The following GP6 variants were observed in gnomAD, a reference collection of about 807,000 sequenced individuals.
The protein encoded by GP6 is glycoprotein VI platelet.
In GP6, 45 loss-of-function variants were observed where a neutral mutation model predicts 37.3. The ratio of observed to expected loss-of-function variants is 1.21; its 90% CI spans 0.95 to 1.55. The LOEUF is 1.55. Among genes scored for constraint, GP6 ranks in the 40% most tolerant of loss-of-function variants. The pLI, the probability that GP6 is intolerant of heterozygous loss-of-function variation, is 0.00. For synonymous variants in GP6, 340 were observed against 316.4 expected (o/e 1.07, Z -0.79); for missense variants, 813 against 760.2 (o/e 1.07, Z -0.82).
chr19:55,022,477 C>G (rs4806632), intron 5 of GP6, among the ~76,000 whole-genome samples: 46,518 of 152,038 alleles, frequency 0.31, 7,368 homozygotes, highest in East Asian at 0.55. Flanking sequence ...TTCACCACTC[C>G]TATTCAACAT....
At position 55,027,701 on chromosome 19, in the gene GP6, C is replaced by T. The variant is rs775726835; in HGVS notation, c.487G>A (p.Ala163Thr). Reference sequence around the variant, plus strand: ...GTCACCGTGATGATGGGAAAACTAGCCCTGTACCATCTCTCGGGATTCTTG... The same window carrying T: ...GTCACCGTGATGATGGGAAAACTAGTCCTGTACCATCTCTCGGGATTCTTG... The change falls in exon 4 of 8, where the codon GCT becomes ACT. Residue 163 changes from alanine to threonine, a missense_variant. By Grantham distance (58) the Ala-to-Thr change is moderately conservative. Transcript: ENST00000310373. The T allele has an allele frequency of 2.5e-6, 4 of 1,613,484 alleles. No homozygotes were observed. The Admixed American group carries it at 6.7e-5, about 27-fold the overall frequency.
chr19:55,029,347 TATATATATATATATATATATA>T (rs2074452628), intron 3 of GP6, among the ~76,000 whole-genome samples: 1 of 4,766 alleles, frequency 2.1e-4, no homozygotes, highest in Admixed American at 2.3e-3. Context: ...TATATATATA[TATATATATATATATATATATA>T]TATATATTTT....
intron 3 of GP6, 47 bp downstream of exon 3, chr19:55,032,092 T>C: frequency 6.3e-7 from 1 of 1,597,664 alleles, no homozygotes; most frequent in South Asian, 1.1e-5. Context: ...ATTTGTGTCC[T>C]GAACGGAGGA....
intron 4 of GP6, 131 bp from the exon 5 acceptor site, chr19:55,025,402 T>C: frequency 1.4e-6 from 1 of 719,640 alleles, no homozygotes; most frequent in Non-Finnish European, 2.6e-6. Context: ...ACTGGACTGT[T>C]GTGGATGTTA....
At chr19:55,023,164 C>G (rs2074143797) in intron 5 of GP6, among the ~76,000 whole-genome samples, 1 of 152,128 alleles carries the variant, frequency 6.6e-6, no homozygotes, top group Non-Finnish European at 1.5e-5. Context: ...GACACATAGA[C>G]CAATGGAACA....
rs758728587 is a variant in GP6 at position 55,014,497 on chromosome 19, CAA to C, written c.1446_1447del (p.Cys483SerfsTer40). 1.5e-4 allele frequency: 246 copies of C among 1,614,054 alleles called. No individual in the cohort carries two copies. Among genetic ancestry groups the C allele is most frequent in the Non-Finnish European group, 2.0e-4 (238 of 1,179,962 alleles). On this transcript the variant is annotated frameshift_variant, in exon 8 of 8. Coordinates refer to ENST00000310373, the MANE Select transcript of GP6 (RefSeq NM_001083899.2). LOFTEE classifies it low-confidence loss of function (END_TRUNC). ...GTGAGAGTTTCTGGGGAAAACCAGACAAGAGCACAGAGGGCCAAAGGGAAGCA... is the reference window on the plus strand; with the variant it reads ...GTGAGAGTTTCTGGGGAAAACCAGACGAGCACAGAGGGCCAAAGGGAAGCA...
chr19:55,032,332 C>T lies in GP6; in HGVS notation c.132G>A (p.Val44=). ...CCGGAGGTCCCTGGCACCGGAGGGT[C>T]ACTGGCTTCTCCAGGGGCACCAGGG... The change falls in exon 3 of 8, where the codon GTG becomes GTA. Residue 44 remains valine (V), a synonymous_variant. Transcript: ENST00000310373. 1 of 1,614,072 alleles carries T rather than the reference C, an allele frequency of 6.2e-7. No individual in the cohort carries two copies. The highest frequency in any genetic ancestry group is 8.5e-7 in the Non-Finnish European group (1 of 1,180,000).
chr19:55,018,936 A>C, intron 5 of GP6: 1 of 602,150 alleles, frequency 1.7e-6, no homozygotes, highest in Admixed American at 2.8e-5. Flanking sequence ...TTTTTTTTCC[A>C]CGTTTTGCTG....
intron 3 of GP6, among the ~76,000 whole-genome samples, chr19:55,029,336 A>T (rs867290539): frequency 5.3e-3 from 17 of 3,228 alleles, no homozygotes; most frequent in East Asian, 0.019. Flanking sequence ...ATATATATAT[A>T]TATATATATA....
intron 1 of GP6, among the ~76,000 whole-genome samples, chr19:55,036,049 G>A (rs565996141): frequency 5.2e-4 from 78 of 150,670 alleles, no homozygotes; most frequent in African/African-American, 1.8e-3. Context: ...CTCCAGCCTT[G>A]GTGAGAGAGC....
intron 3 of GP6, among the ~76,000 whole-genome samples, chr19:55,028,241 T>C (rs1160092287): frequency 6.6e-6 from 1 of 152,234 alleles, no homozygotes; most frequent in African/African-American, 2.4e-5. Context: ...TAGCTTAAGC[T>C]TATACTGTGC....
At chr19:55,036,450 A>G (rs565386317) in intron 1 of GP6, among the ~76,000 whole-genome samples, 31 of 151,820 alleles carry the variant, frequency 2.0e-4, no homozygotes, top group African/African-American at 7.2e-4. Flanking sequence ...TGTAACCCCA[A>G]CACTTTGGGA....
chr19:55,014,276 G>A lies in GP6; in HGVS notation c.1669C>T (p.Gln557Ter). 7.8e-7 allele frequency: 1 copy of A among 1,288,440 alleles called. No homozygotes were observed. Among genetic ancestry groups the A allele is most frequent in the Non-Finnish European group, 1.1e-6 (1 of 890,192 alleles). 79.8% of individuals were successfully genotyped at this position (1,288,440 alleles called of 1,614,324 possible). A position where few individuals can be genotyped will look rare whatever the true frequency, so the allele number is the denominator to read the frequency against. Residue 557 changes from glutamine (Q) to a stop codon, truncating the protein, a stop_gained, in exon 8 of 8, where the codon CAA becomes TAA. Transcript: ENST00000310373. LOFTEE classifies it high-confidence loss of function. ...GCACCACCACACCTGGCTAATTTTTGTGTTTTTTTGTTTTGTTGGTAGAGA... is the reference window on the plus strand; with the variant it reads ...GCACCACCACACCTGGCTAATTTTTATGTTTTTTTGTTTTGTTGGTAGAGA...
intron 1 of GP6, among the ~76,000 whole-genome samples, chr19:55,033,271 A>AGGG (rs2074671343): frequency 2.6e-5 from 1 of 38,674 alleles, no homozygotes; most frequent in Admixed American, 3.9e-4. Flanking sequence ...GACACGGTGG[A>AGGG]CTCGTTCGTG....
In GP6 at chr19:55,033,037, T is replaced by A. The variant is rs373779472; in HGVS notation, c.35-499A>T. ...GTGGACTCGTTCGTGTTAGACACGGTGGACTCGTTCGTGTTGTGTTAGACA... is the reference window on the plus strand; with the variant it reads ...GTGGACTCGTTCGTGTTAGACACGGAGGACTCGTTCGTGTTGTGTTAGACA... On this transcript the variant is annotated intron_variant, in intron 1 of 7. Transcript: ENST00000310373. 8.0e-3 allele frequency among the ~76,000 whole-genome samples: 101 copies of A among 12,592 alleles called. 7 individuals are homozygous for A. The highest frequency in any genetic ancestry group is 0.016 in the Non-Finnish European group (69 of 4,264). 8.3% of individuals were successfully genotyped at this position (12,592 alleles called of 152,430 possible). A position where few individuals can be genotyped will look rare whatever the true frequency, so the allele number is the denominator to read the frequency against.
Position 55,014,993 on chromosome 19 carries a change from CG to C in GP6, c.951del (p.Ala318LeufsTer24). ...GACCCCCGTTTGATTTCCGGGTCAG[CG>C]GGAGGGGCGGGAGGGGCGGAAGCGG... On this transcript the variant is annotated frameshift_variant, in exon 8 of 8. Coordinates refer to ENST00000310373, the MANE Select transcript of GP6 (RefSeq NM_001083899.2). LOFTEE classifies it low-confidence loss of function (END_TRUNC). 6.6e-7 allele frequency: 1 copy of C among 1,522,042 alleles called. No homozygotes were observed. Among genetic ancestry groups the C allele is most frequent in the Non-Finnish European group, 9.0e-7 (1 of 1,115,384 alleles). The allele number at this position is 1,522,042 out of a possible 1,614,324, so 94.3% of individuals were successfully genotyped here. A position where few individuals can be genotyped will look rare whatever the true frequency, so the allele number is the denominator to read the frequency against.
At chr19:55,016,710 C>T (rs772212058) in intron 6 of GP6, among the ~76,000 whole-genome samples, 1 of 151,864 alleles carries the variant, frequency 6.6e-6, no homozygotes, top group East Asian at 2.0e-4. Flanking sequence ...TCCTGAGACT[C>T]GCCAGGTACT....
chr19:55,037,595 C>T (rs1313541155), intron 1 of GP6, among the ~76,000 whole-genome samples: 2 of 148,312 alleles, frequency 1.3e-5, no homozygotes, highest in Non-Finnish European at 3.0e-5. Context: ...CCTCGGCCTC[C>T]CAAAGTGTGT....
intron 5 of GP6, among the ~76,000 whole-genome samples, chr19:55,024,979 C>A (rs979490485): frequency 6.6e-6 from 1 of 152,146 alleles, no homozygotes; most frequent in East Asian, 1.9e-4. Flanking sequence ...TCCGATTATT[C>A]TTCTGCATGT....
Sources: allele counts gnomAD v4.1 joint callset (sites outside exome capture counted in the v4.1 genomes callset), GRCh38; gene constraint gnomAD v4.1.1; transcripts MANE v1.5; gene names NCBI Gene and HGNC (gene_info 2026-07-23, HGNC 2026-07-21).